Variants in SLC41A2 observed in about 807,000 individuals in gnomAD.
SLC41A2 encodes the protein solute carrier family 41 member 2, also known as SLC41A1-like 1.
A neutral mutation model predicts 58.3 loss-of-function variants in SLC41A2; 32 were observed. The observed-to-expected ratio is 0.55, with a 90% CI of 0.41 to 0.74. The LOEUF (loss-of-function observed/expected upper bound fraction) is 0.74, where lower values mean the gene tolerates loss of function less well. Among genes scored for constraint, SLC41A2 ranks in the 30% least tolerant of loss-of-function variants. SLC41A2 has a pLI of 0.00. For missense variants in SLC41A2, 514 were observed against 680.6 expected, an observed-to-expected ratio of 0.76 and a Z score of 2.72; for synonymous variants, 190 against 235.0, an observed-to-expected ratio of 0.81 and a Z score of 1.75.
At chr12:104,949,456 T>A (rs1296814174) in intron 1 of SLC41A2, among the ~76,000 whole-genome samples, 1 of 152,236 alleles carries the variant, frequency 6.6e-6, no homozygotes, top group African/African-American at 2.4e-5. Context: ...CAGATTTACA[T>A]AAAGATCATC....
chr12:104,913,824 C>A (rs577903014), intron 2 of SLC41A2, among the ~76,000 whole-genome samples: 1 of 152,348 alleles, frequency 6.6e-6, no homozygotes, highest in South Asian at 2.1e-4. Flanking sequence ...GTAATCCCAG[C>A]ACTCTGGAAG....
chr12:104,929,711 T>C (rs990448199), intron 1 of SLC41A2, among the ~76,000 whole-genome samples: 1 of 152,256 alleles, frequency 6.6e-6, no homozygotes, highest in African/African-American at 2.4e-5. Flanking sequence ...TAGGCCTGTC[T>C]TATACTTCCA....
At chr12:104,868,427 A>G (rs1193938080) in intron 6 of SLC41A2, among the ~76,000 whole-genome samples, 1 of 152,222 alleles carries the variant, frequency 6.6e-6, no homozygotes, top group Non-Finnish European at 1.5e-5. Flanking sequence ...CTGGAAGGAC[A>G]TCTGAAGCTG....
chr12:104,837,284 C>G (rs1267932889), intron 10 of SLC41A2, among the ~76,000 whole-genome samples: 1 of 152,110 alleles, frequency 6.6e-6, no homozygotes, highest in African/African-American at 2.4e-5. Context: ...TTTGGGGCAC[C>G]CGTACACATG....
chr12:104,803,064 TTG>T lies in SLC41A2; in HGVS notation c.*2086_*2087del, dbSNP rs1275234476. Reference sequence around the variant, plus strand: ...GTACTACTGTGAGTATTAAATGATATTGTGTGTTTGTGCACTGGAATGTGTAA... The same window carrying T: ...GTACTACTGTGAGTATTAAATGATATTGTGTTTGTGCACTGGAATGTGTAA... On this transcript the variant is annotated 3_prime_UTR_variant, in exon 11 of 11. Coordinates refer to ENST00000258538, the MANE Select transcript of SLC41A2 (RefSeq NM_001352171.3). The T allele has an allele frequency of 2.6e-5, 4 of 152,178 alleles. No homozygotes were observed. The highest frequency in any genetic ancestry group is 5.9e-5 in the Non-Finnish European group (4 of 68,024). The allele number at this position is 152,178 out of a possible 1,614,324, so 9.4% of individuals were successfully genotyped here.
chr12:104,860,767 G>T (rs893746323), intron 8 of SLC41A2, among the ~76,000 whole-genome samples: 1 of 151,824 alleles, frequency 6.6e-6, no homozygotes, highest in African/African-American at 2.4e-5. Context: ...TTATAGAGAT[G>T]GGGGTCTCAC....
chr12:104,932,771 A>G (rs920649776), intron 1 of SLC41A2, among the ~76,000 whole-genome samples: 5 of 152,102 alleles, frequency 3.3e-5, no homozygotes, highest in Non-Finnish European at 2.9e-5. Context: ...ACATAAAAAC[A>G]TAAATTGGGA....
chr12:104,916,810 T>C (rs990692007), intron 2 of SLC41A2, among the ~76,000 whole-genome samples: 1 of 152,084 alleles, frequency 6.6e-6, no homozygotes, highest in Non-Finnish European at 1.5e-5. Flanking sequence ...TTACACCTTA[T>C]ACAAAAATTA....
At position 104,909,650 on chromosome 12, in the gene SLC41A2, C is replaced by T. The variant is rs765238176; in HGVS notation, c.663+5G>A. The T allele has an allele frequency of 6.3e-7, 1 of 1,595,830 alleles. No individual in the cohort carries two copies. ...ACACATAATTTGAGGTAGGAAAAAA[C>T]TTACTGCAGTGGATAATCTGGATGC... is the stretch of plus-strand genomic sequence containing the variant. On this transcript the variant is annotated splice_donor_5th_base_variant and intron_variant, in intron 3 of 10. Transcript: ENST00000258538.
At chr12:104,957,401 G>A (rs2048207466) in intron 1 of SLC41A2, among the ~76,000 whole-genome samples, 1 of 152,126 alleles carries the variant, frequency 6.6e-6, no homozygotes, top group Non-Finnish European at 1.5e-5. Context: ...TGATTACTAA[G>A]AGAGACAGGG....
intron 3 of SLC41A2, among the ~76,000 whole-genome samples, chr12:104,899,278 A>G (rs899723136): frequency 4.6e-5 from 7 of 152,220 alleles, no homozygotes; most frequent in Non-Finnish European, 7.3e-5. Flanking sequence ...GGGCCCAATT[A>G]GAATCATTTT....
chr12:104,922,269 G>T (rs1041774304), intron 2 of SLC41A2, among the ~76,000 whole-genome samples: 1 of 152,088 alleles, frequency 6.6e-6, no homozygotes, highest in Non-Finnish European at 1.5e-5. Context: ...CTGCCTACAA[G>T]AAACCCACTT....
intron 2 of SLC41A2, among the ~76,000 whole-genome samples, chr12:104,917,893 A>G (rs923757775): frequency 2.0e-5 from 3 of 149,608 alleles, no homozygotes; most frequent in African/African-American, 7.3e-5. Context: ...TAATGGGTGC[A>G]GCACACCAGC....
intron 2 of SLC41A2, among the ~76,000 whole-genome samples, chr12:104,911,546 T>C (rs2046086746): frequency 6.6e-6 from 1 of 152,194 alleles, no homozygotes; most frequent in South Asian, 2.1e-4. Flanking sequence ...ATTAACTTTA[T>C]ATCAAAAAGT....
At chr12:104,880,644 C>T (rs1445760122) in intron 6 of SLC41A2, among the ~76,000 whole-genome samples, 1 of 152,180 alleles carries the variant, frequency 6.6e-6, no homozygotes, top group East Asian at 1.9e-4. Flanking sequence ...GTTGAACCAG[C>T]CTTGCATCTC....
intron 10 of SLC41A2, 67 bp from the exon 11 acceptor site, chr12:104,805,404 A>G (rs2040857549): frequency 7.3e-7 from 1 of 1,377,506 alleles, no homozygotes; most frequent in Non-Finnish European, 9.8e-7. Context: ...CATGGCCACA[A>G]GCCTAAACCA....
intron 8 of SLC41A2, among the ~76,000 whole-genome samples, chr12:104,848,002 TA>T (rs1344614021): frequency 6.6e-6 from 1 of 152,168 alleles, no homozygotes; most frequent in African/African-American, 2.4e-5. Flanking sequence ...TAATCTAAAT[TA>T]CATTTTTAGA....
chr12:104,943,540 C>A (rs866714588), intron 1 of SLC41A2, among the ~76,000 whole-genome samples: 1 of 152,182 alleles, frequency 6.6e-6, no homozygotes, highest in Non-Finnish European at 1.5e-5. Flanking sequence ...AGATCTACCA[C>A]GGACCCCTGG....
chr12:104,862,882 C>T lies in SLC41A2; in HGVS notation c.1176-1512G>A, dbSNP rs557868303. Among the ~76,000 whole-genome samples the T allele has an allele frequency of 6.6e-5, 10 of 152,072 alleles. No individual in the cohort carries two copies. In the South Asian group the frequency reaches 2.1e-3, roughly 32 times the overall value. ...CTTATGCATTACTTCACATACTTAT[C>T]TTTTGTGGTGAGAACACCTAAAATC... On this transcript the variant is annotated intron_variant, in intron 7 of 10. Transcript: ENST00000258538.
Sources: gnomAD v4.1 joint callset for allele counts (sites outside exome capture counted in the v4.1 genomes callset) on GRCh38, gnomAD v4.1.1 for gene constraint, MANE v1.5 for transcripts, NCBI Gene and HGNC (gene_info 2026-07-23, HGNC 2026-07-21) for gene names.